The following RGS21 variants were observed in gnomAD, a reference collection of about 807,000 sequenced individuals.
RGS21 encodes regulator of G-protein signalling 21.
RGS21 carries 19 observed loss-of-function variants against 18.7 expected under a neutral mutation model. The observed-to-expected ratio is 1.01, with a 90% CI of 0.71 to 1.49. The LOEUF is 1.49. Among genes scored for constraint, RGS21 ranks in the 40% most tolerant of loss-of-function variants. The pLI is 0.00. For missense variants in RGS21, 194 were observed against 176.8 expected (o/e 1.10, Z -0.55); for synonymous variants, 56 against 57.8 (o/e 0.97, Z 0.14).
At position 192,365,962 on chromosome 1, in the gene RGS21, T is replaced by A. The variant is rs1295936822; in HGVS notation, c.297T>A (p.Asn99Lys). ...DFGTRDLISK[N>K]IAEPTLKCFD... ...GTACCAGAGACCTCATCTCAAAGAA[T>A]ATTGCTGAACCAACACTCAAATGCT... Residue 99 changes from asparagine to lysine, a missense_variant, in exon 5 of 5, where the codon AAT becomes AAA. Coordinates refer to ENST00000417209, the MANE Select transcript of RGS21 (RefSeq NM_001039152.3). The A allele has an allele frequency of 1.2e-6, 2 of 1,610,966 alleles. No individual in the cohort carries two copies. The highest frequency in any genetic ancestry group is 2.2e-5 in the South Asian group (2 of 90,806).
At chr1:192,347,265 A>G in intron 2 of RGS21, 48 bp from the exon 3 acceptor site, 1 of 1,098,958 alleles carries the variant, frequency 9.1e-7, no homozygotes. Flanking sequence ...CTCGAATATT[A>G]CTATTGGTTA....
At chr1:192,328,364 T>C (rs1159196013) in intron 1 of RGS21, among the ~76,000 whole-genome samples, 1 of 152,170 alleles carries the variant, frequency 6.6e-6, no homozygotes, top group Non-Finnish European at 1.5e-5. Context: ...AATTAGTTGA[T>C]TTTATTATTT....
intron 3 of RGS21, among the ~76,000 whole-genome samples, chr1:192,348,921 T>C (rs1003593761): frequency 2.0e-5 from 3 of 152,190 alleles, no homozygotes; most frequent in African/African-American, 7.2e-5. Flanking sequence ...TTAGATACTA[T>C]AAACATATTA....
intron 4 of RGS21, among the ~76,000 whole-genome samples, chr1:192,357,526 C>T (rs1262912867): frequency 3.3e-5 from 5 of 151,838 alleles, no homozygotes; most frequent in Non-Finnish European, 7.4e-5. Context: ...CGTTCACTCT[C>T]TTAGGGAAGT....
intron 2 of RGS21, among the ~76,000 whole-genome samples, chr1:192,343,300 T>C (rs1316415159): frequency 1.3e-5 from 2 of 152,118 alleles, no homozygotes; most frequent in African/African-American, 2.4e-5. Context: ...CACTGAACTT[T>C]ATGTTTTTTT....
chr1:192,318,421 C>T (rs1357228395), intron 1 of RGS21, among the ~76,000 whole-genome samples: 1 of 152,104 alleles, frequency 6.6e-6, no homozygotes, highest in African/African-American at 2.4e-5. Flanking sequence ...TAACATTCCC[C>T]CTCCTTGGGG....
At chr1:192,364,601 T>C (rs748147429) in intron 4 of RGS21, among the ~76,000 whole-genome samples, 1 of 152,150 alleles carries the variant, frequency 6.6e-6, no homozygotes, top group African/African-American at 2.4e-5. Context: ...CAGGTGTCTG[T>C]GCCTATTGTT....
intron 3 of RGS21, among the ~76,000 whole-genome samples, chr1:192,349,539 T>C (rs913272679): frequency 5.9e-5 from 9 of 152,174 alleles, no homozygotes; most frequent in African/African-American, 2.2e-4. Flanking sequence ...AAGCATTCCA[T>C]TCTATGGAGA....
At chr1:192,344,698 T>C (rs1658922445) in intron 2 of RGS21, among the ~76,000 whole-genome samples, 1 of 152,128 alleles carries the variant, frequency 6.6e-6, no homozygotes, top group Non-Finnish European at 1.5e-5. Flanking sequence ...ACCTAATTTC[T>C]GAAAAGTAAA....
rs1484658114 is a variant in RGS21 at position 192,367,089 on chromosome 1, A to G, written c.*965A>G. On this transcript the variant is annotated 3_prime_UTR_variant, in exon 5 of 5. Coordinates refer to ENST00000417209, the MANE Select transcript of RGS21 (RefSeq NM_001039152.3). ...CAATATGAGAAGCTGTAAAGATTCA[A>G]CAGATCTCCCACGTTTCCATTTTCT... is the stretch of plus-strand genomic sequence containing the variant. 1 of 152,104 alleles carries G rather than the reference A, an allele frequency of 6.6e-6. No homozygotes were observed. Among genetic ancestry groups the G allele is most frequent in the African/African-American group, 2.4e-5 (1 of 41,468 alleles). 9.4% of individuals were successfully genotyped at this position (152,104 alleles called of 1,614,324 possible). A position where few individuals can be genotyped will look rare whatever the true frequency, so the allele number is the denominator to read the frequency against.
intron 1 of RGS21, among the ~76,000 whole-genome samples, chr1:192,335,974 T>G (rs1658760367): frequency 1.3e-5 from 2 of 152,158 alleles, no homozygotes; most frequent in Admixed American, 1.3e-4. Context: ...ACAAAAAAAT[T>G]TTTTAGTTGC....
chr1:192,338,172 A>G (rs1658801191), intron 1 of RGS21, among the ~76,000 whole-genome samples: 1 of 152,242 alleles, frequency 6.6e-6, no homozygotes, highest in Non-Finnish European at 1.5e-5. Flanking sequence ...TGCTCAAAAC[A>G]TTTCTAACTT....
At chr1:192,337,817 A>G (rs1036897860) in intron 1 of RGS21, among the ~76,000 whole-genome samples, 4 of 152,190 alleles carry the variant, frequency 2.6e-5, no homozygotes, top group Non-Finnish European at 4.4e-5. Flanking sequence ...TTTTATATCT[A>G]TCATACTATT....
chr1:192,364,713 T>A (rs1419539479), intron 4 of RGS21, among the ~76,000 whole-genome samples: 5 of 152,238 alleles, frequency 3.3e-5, no homozygotes, highest in South Asian at 2.1e-4. Context: ...ACATTTAAAT[T>A]CCATTTAACA....
At chr1:192,337,163 T>A (rs1658779437) in intron 1 of RGS21, among the ~76,000 whole-genome samples, 1 of 152,056 alleles carries the variant, frequency 6.6e-6, no homozygotes, top group Admixed American at 6.6e-5. Context: ...GTTACTTCCA[T>A]TTTTTATTAG....
intron 1 of RGS21, among the ~76,000 whole-genome samples, chr1:192,335,019 A>ATCTT (rs1658744555): frequency 6.6e-6 from 1 of 152,132 alleles, no homozygotes; most frequent in Non-Finnish European, 1.5e-5. Context: ...ACCTACAAAT[A>ATCTT]ACAGTATTAA....
intron 1 of RGS21, among the ~76,000 whole-genome samples, chr1:192,337,987 A>G (rs1658798596): frequency 6.6e-6 from 1 of 152,188 alleles, no homozygotes; most frequent in Admixed American, 6.6e-5. Context: ...ATGATAGTAC[A>G]TGTTCTAAGA....
intron 1 of RGS21, among the ~76,000 whole-genome samples, chr1:192,329,322 T>C (rs534441378): frequency 5.3e-5 from 8 of 152,154 alleles, no homozygotes; most frequent in African/African-American, 1.9e-4. Flanking sequence ...TGAGCAGAGG[T>C]ATACTTCATT....
chr1:192,352,213 G>T lies in RGS21; in HGVS notation c.255G>T (p.Glu85Asp). 1 of 1,599,812 alleles carries T rather than the reference G, an allele frequency of 6.3e-7. No individual in the cohort carries two copies. Among genetic ancestry groups the T allele is most frequent in the African/African-American group, 1.3e-5 (1 of 74,450 alleles). ...TCATTGAAGCTGATGCACCTAAAGA[G>T]GTGAGTGAACTACTTCAGAACAGTG... Reference protein sequence around the residue: ...SEFIEADAPKEINIDFGTRDL... With the variant: ...SEFIEADAPKDINIDFGTRDL... The change falls in exon 4 of 5, where the codon GAG becomes GAT. Residue 85 changes from glutamate (E) to aspartate (D), a missense_variant and splice_region_variant. Transcript: ENST00000417209.
Sources: gnomAD v4.1 joint callset for allele counts (sites outside exome capture counted in the v4.1 genomes callset) on GRCh38, gnomAD v4.1.1 for gene constraint, MANE v1.5 for transcripts, NCBI Gene and HGNC (gene_info 2026-07-23, HGNC 2026-07-21) for gene names.